Variants in RCAN2 observed in about 807,000 individuals in gnomAD.
The protein encoded by RCAN2 is calcipressin-2.
In RCAN2, 9 loss-of-function variants were observed where a neutral mutation model predicts 23.6. The observed-to-expected ratio is 0.38, with a 90% CI of 0.23 to 0.67. RCAN2 has a LOEUF of 0.67. Ranked by LOEUF, RCAN2 falls within the 30% of genes least tolerant of loss-of-function variation. The pLI is 0.51. For synonymous variants in RCAN2, 109 were observed against 115.7 expected (o/e 0.94, Z 0.37); for missense variants, 273 against 302.3 (o/e 0.90, Z 0.72).
intron 2 of RCAN2, among the ~76,000 whole-genome samples, chr6:46,452,222 T>C (rs937197445): frequency 1.1e-4 from 17 of 152,302 alleles, no homozygotes; most frequent in Admixed American, 1.3e-4. Flanking sequence ...AATCCTGCCT[T>C]GGCCACTACT....
chr6:46,404,936 C>T (rs1206847718), intron 2 of RCAN2, among the ~76,000 whole-genome samples: 1 of 152,130 alleles, frequency 6.6e-6, no homozygotes, highest in Non-Finnish European at 1.5e-5. Flanking sequence ...AAAGATTAAA[C>T]AACAGGTGAA....
chr6:46,380,538 C>T (rs533804945), intron 2 of RCAN2, among the ~76,000 whole-genome samples: 89 of 152,262 alleles, frequency 5.8e-4, no homozygotes, highest in African/African-American at 2.0e-3. Flanking sequence ...GCCCCTACCC[C>T]AGATTTACTG....
intron 2 of RCAN2, among the ~76,000 whole-genome samples, chr6:46,320,148 T>C (rs1763564749): frequency 6.6e-6 from 1 of 152,220 alleles, no homozygotes; most frequent in South Asian, 2.1e-4. Flanking sequence ...TAAAGAGCTT[T>C]AGAGCTCTGC....
intron 2 of RCAN2, chr6:46,325,663 G>A: frequency 1.4e-6 from 2 of 1,398,958 alleles, no homozygotes; most frequent in Non-Finnish European, 1.9e-6. Context: ...AGGCAGCACA[G>A]CAGAGTAACG....
intron 2 of RCAN2, among the ~76,000 whole-genome samples, chr6:46,376,442 G>A (rs922323750): frequency 6.6e-6 from 1 of 152,204 alleles, no homozygotes; most frequent in Admixed American, 6.5e-5. Flanking sequence ...AGCACTTTGG[G>A]AGGCCAAGGT....
At chr6:46,393,308 T>C (rs1459605623) in intron 2 of RCAN2, among the ~76,000 whole-genome samples, 1 of 152,222 alleles carries the variant, frequency 6.6e-6, no homozygotes, top group Admixed American at 6.5e-5. Flanking sequence ...GTAACTTCCA[T>C]GAACCTTGGT....
intron 2 of RCAN2, among the ~76,000 whole-genome samples, chr6:46,437,629 T>C (rs183837358): frequency 1.1e-4 from 17 of 152,322 alleles, no homozygotes; most frequent in Admixed American, 7.2e-4. Context: ...ACAAAGTCAA[T>C]CGTCTCAGGA....
chr6:46,345,709 G>A (rs1423814460), intron 2 of RCAN2, among the ~76,000 whole-genome samples: 2 of 152,024 alleles, frequency 1.3e-5, no homozygotes, highest in Non-Finnish European at 2.9e-5. Flanking sequence ...TCTACAGGCT[G>A]GATAACATGT....
At chr6:46,433,171 G>A (rs1009481131) in intron 2 of RCAN2, among the ~76,000 whole-genome samples, 6 of 152,118 alleles carry the variant, frequency 3.9e-5, no homozygotes, top group Admixed American at 6.6e-5. Context: ...AGGCAGTAGG[G>A]AGTAAACTGT....
At chr6:46,341,199 C>T (rs772460148) in intron 2 of RCAN2, among the ~76,000 whole-genome samples, 8 of 152,122 alleles carry the variant, frequency 5.3e-5, no homozygotes, top group Non-Finnish European at 1.0e-4. Context: ...TGCCAATGCC[C>T]TATACTTTAA....
chr6:46,359,116 G>T (rs543923020), intron 2 of RCAN2, among the ~76,000 whole-genome samples: 2 of 152,284 alleles, frequency 1.3e-5, no homozygotes, highest in South Asian at 4.1e-4. Context: ...TAAGGCATAA[G>T]AATTTGCATT....
At chr6:46,443,796 C>T (rs1390885793) in intron 2 of RCAN2, among the ~76,000 whole-genome samples, 1 of 152,160 alleles carries the variant, frequency 6.6e-6, no homozygotes, top group Non-Finnish European at 1.5e-5. Context: ...CATTCTTCTA[C>T]ATGGAAGTTT....
intron 2 of RCAN2, among the ~76,000 whole-genome samples, chr6:46,413,249 A>C (rs1766596611): frequency 6.6e-6 from 1 of 152,252 alleles, no homozygotes; most frequent in South Asian, 2.1e-4. Flanking sequence ...GTTCTCAGAG[A>C]CAGTATGAAT....
At chr6:46,435,966 A>G (rs1384597084) in intron 2 of RCAN2, among the ~76,000 whole-genome samples, 1 of 152,244 alleles carries the variant, frequency 6.6e-6, no homozygotes, top group Non-Finnish European at 1.5e-5. Flanking sequence ...TTATTGGTAC[A>G]GTAAGGAAAT....
At chr6:46,462,612 T>G (rs1208605617) in intron 1 of RCAN2, among the ~76,000 whole-genome samples, 1 of 151,616 alleles carries the variant, frequency 6.6e-6, no homozygotes, top group Non-Finnish European at 1.5e-5. Flanking sequence ...AAATGTTGTA[T>G]GAATAAGTGA....
At chr6:46,414,784 C>T (rs779686238) in intron 2 of RCAN2, among the ~76,000 whole-genome samples, 4 of 152,196 alleles carry the variant, frequency 2.6e-5, no homozygotes, top group African/African-American at 4.8e-5. Flanking sequence ...GAGCCAATTC[C>T]TTAAAACAAA....
At chr6:46,352,255 C>T (rs1202284192) in intron 2 of RCAN2, among the ~76,000 whole-genome samples, 2 of 152,162 alleles carry the variant, frequency 1.3e-5, no homozygotes, top group Non-Finnish European at 2.9e-5. Context: ...CGATAATCAA[C>T]ATGTTCAAAT....
chr6:46,437,310 C>G (rs563915989), intron 2 of RCAN2, among the ~76,000 whole-genome samples: 24 of 152,296 alleles, frequency 1.6e-4, no homozygotes, highest in Non-Finnish European at 3.4e-4. Flanking sequence ...GGTATAATAA[C>G]ATGTGTTTTG....
intron 2 of RCAN2, among the ~76,000 whole-genome samples, chr6:46,281,985 C>G (rs544783029): frequency 1.1e-4 from 16 of 152,284 alleles, no homozygotes; most frequent in Middle Eastern, 6.8e-3. Flanking sequence ...CTTTCTTTCA[C>G]TGAGTACCAC....
Sources: gnomAD v4.1 joint callset for allele counts (sites outside exome capture counted in the v4.1 genomes callset) on GRCh38, gnomAD v4.1.1 for gene constraint, MANE v1.5 for transcripts, NCBI Gene and HGNC (gene_info 2026-07-23, HGNC 2026-07-21) for gene names.